TCERG1L: variants seen among roughly 807,000 people sequenced by gnomAD.
TCERG1L encodes transcription elongation regulator 1 like.
TCERG1L carries 37 observed loss-of-function variants against 56.3 expected under a neutral mutation model. The ratio of observed to expected loss-of-function variants is 0.66; its 90% confidence interval spans 0.51 to 0.87. The LOEUF (loss-of-function observed/expected upper bound fraction) is 0.87, where lower values mean the gene tolerates loss of function less well. Ranked by LOEUF, TCERG1L falls within the 40% of genes least tolerant of loss-of-function variation. The pLI is 0.00. For missense variants in TCERG1L, 799 were observed against 774.2 expected, an observed-to-expected ratio of 1.03 and a Z score of -0.38; for synonymous variants, 324 against 326.3, an observed-to-expected ratio of 0.99 and a Z score of 0.08.
At position 131,093,141 on chromosome 10, in the gene TCERG1L, T is replaced by A. The variant is rs368915020; in HGVS notation, c.*21A>T. The A allele has an allele frequency of 1.9e-6, 3 of 1,611,242 alleles. No individual in the cohort carries two copies. Among genetic ancestry groups the A allele is most frequent in the Non-Finnish European group, 2.5e-6 (3 of 1,178,528 alleles). ...GCACGCCCAGGGTCAACCCCCGGGC[T>A]TATTGCATTTTTTCACAAACTCATC... On this transcript the variant is annotated 3_prime_UTR_variant, in exon 12 of 12. Coordinates refer to ENST00000368642, the MANE Select transcript of TCERG1L (RefSeq NM_174937.4).
At position 131,195,380 on chromosome 10, in the gene TCERG1L, G is replaced by A. The variant is rs559033297; in HGVS notation, c.857-28495C>T. Reference sequence around the variant, plus strand: ...CTTGGTTTCCCCATCTGAGAGGCTCGGGGCCCTGCAAAACCAGAACACGAC... The same window carrying A: ...CTTGGTTTCCCCATCTGAGAGGCTCAGGGCCCTGCAAAACCAGAACACGAC... On this transcript the variant is annotated intron_variant, in intron 4 of 11. Coordinates refer to ENST00000368642, the MANE Select transcript of TCERG1L (RefSeq NM_174937.4). Among the ~76,000 whole-genome samples, 24 of 152,256 alleles carry A rather than the reference G, an allele frequency of 1.6e-4. No homozygotes were observed. In the South Asian group the frequency reaches 1.7e-3, roughly 11 times the overall value.
chr10:131,160,855 C>T (rs1348434999), intron 6 of TCERG1L: 1 of 152,164 alleles, frequency 6.6e-6, no homozygotes, highest in East Asian at 1.9e-4. Context: ...GGAAGAAAGC[C>T]GCAGCTTTCG....
intron 4 of TCERG1L, among the ~76,000 whole-genome samples, chr10:131,241,495 G>A (rs556409874): frequency 1.7e-4 from 26 of 151,972 alleles, no homozygotes; most frequent in South Asian, 4.2e-4. Context: ...AGGGGATAGC[G>A]CAATATAAAA....
At chr10:131,146,732 T>C in intron 6 of TCERG1L, 72 bp from the exon 7 acceptor site, 1 of 1,510,730 alleles carries the variant, frequency 6.6e-7, no homozygotes, top group Non-Finnish European at 8.9e-7. Flanking sequence ...GCATGAACTC[T>C]CACTGAAAAA....
chr10:131,191,864 C>CAAAAAAAAAAAAAAAAAAA (rs59816491), intron 4 of TCERG1L, among the ~76,000 whole-genome samples: 4 of 28,704 alleles, frequency 1.4e-4, no homozygotes, highest in East Asian at 9.7e-4. Flanking sequence ...GACTCCGTCT[C>CAAAAAAAAAAAAAAAAAAA]AAAAAAAAAA....
chr10:131,102,332 G>T (rs1845311888), intron 10 of TCERG1L, among the ~76,000 whole-genome samples: 1 of 152,190 alleles, frequency 6.6e-6, no homozygotes, highest in Admixed American at 6.5e-5. Flanking sequence ...AGAGGGTCCA[G>T]TTCCAATGAG....
chr10:131,146,235 C>G (rs1845792679), intron 7 of TCERG1L, among the ~76,000 whole-genome samples: 2 of 152,192 alleles, frequency 1.3e-5, no homozygotes, highest in Admixed American at 1.3e-4. Flanking sequence ...TGGATGGAAG[C>G]TTTGAGGGGC....
chr10:131,169,891 CT>C (rs1423672625), intron 4 of TCERG1L, among the ~76,000 whole-genome samples: 1 of 152,134 alleles, frequency 6.6e-6, no homozygotes, highest in Non-Finnish European at 1.5e-5. Context: ...TCCCCATTAC[CT>C]TGAGAAAACA....
intron 9 of TCERG1L, among the ~76,000 whole-genome samples, chr10:131,106,692 T>A (rs1845354490): frequency 6.6e-6 from 1 of 152,062 alleles, no homozygotes; most frequent in Admixed American, 6.5e-5. Context: ...CACCCTGGGA[T>A]CCGGGCAGAT....
chr10:131,211,178 C>G (rs1012195510), intron 4 of TCERG1L, among the ~76,000 whole-genome samples: 4 of 152,200 alleles, frequency 2.6e-5, no homozygotes, highest in Non-Finnish European at 5.9e-5. Context: ...TGGCTCGGCC[C>G]TCCCTGCTGG....
intron 4 of TCERG1L, among the ~76,000 whole-genome samples, chr10:131,212,941 A>G (rs766015773): frequency 6.6e-6 from 1 of 152,228 alleles, no homozygotes; most frequent in Non-Finnish European, 1.5e-5. Flanking sequence ...GTTCCCCACA[A>G]GTGCTCCTCC....
intron 9 of TCERG1L, among the ~76,000 whole-genome samples, chr10:131,107,684 G>A (rs989483564): frequency 7.9e-5 from 12 of 152,008 alleles, no homozygotes; most frequent in African/African-American, 2.4e-4. Flanking sequence ...AAACACTTAC[G>A]ATGCCCAGAG....
intron 4 of TCERG1L, among the ~76,000 whole-genome samples, chr10:131,208,005 C>T (rs1216321103): frequency 1.3e-5 from 2 of 152,152 alleles, no homozygotes; most frequent in Non-Finnish European, 2.9e-5. Context: ...CCACAATGAG[C>T]CAACCCACCC....
chr10:131,093,255 T>G lies in TCERG1L; in HGVS notation c.1668A>C (p.Lys556Asn), dbSNP rs914997437. Reference sequence around the variant, plus strand: ...TGAAAAAATGCTCCTGGTCCTTTCTTTTTTGAACAAGTCGGAACCTCTGAT... The same window carrying G: ...TGAAAAAATGCTCCTGGTCCTTTCTGTTTTGAACAAGTCGGAACCTCTGAT... ...GRDQRFRLVQ[K>N]RKDQEHFFNQ... Residue 556 changes from lysine (K) to asparagine (N), a missense_variant, in exon 12 of 12, where the codon AAA becomes AAC. By Grantham distance (94) the Lys-to-Asn change is moderately conservative. Coordinates refer to ENST00000368642, the MANE Select transcript of TCERG1L (RefSeq NM_174937.4). The G allele has an allele frequency of 6.2e-7, 1 of 1,614,010 alleles. No individual in the cohort carries two copies. The highest frequency in any genetic ancestry group is 8.5e-7 in the Non-Finnish European group (1 of 1,179,868).
intron 4 of TCERG1L, among the ~76,000 whole-genome samples, chr10:131,194,798 A>G (rs774803578): frequency 2.6e-5 from 4 of 152,170 alleles, no homozygotes; most frequent in Non-Finnish European, 4.4e-5. Flanking sequence ...TTGATTTGCA[A>G]TATCTTCTTC....
At chr10:131,203,772 G>C (rs1845482467) in intron 4 of TCERG1L, among the ~76,000 whole-genome samples, 1 of 152,186 alleles carries the variant, frequency 6.6e-6, no homozygotes, top group Non-Finnish European at 1.5e-5. Flanking sequence ...TAGCCCTGGG[G>C]GCAGCCTGGG....
chr10:131,156,194 G>C (rs1217923055), intron 6 of TCERG1L: 1 of 151,978 alleles, frequency 6.6e-6, no homozygotes, highest in African/African-American at 2.4e-5. Context: ...ATCATGTCTT[G>C]GGAAACTTTT....
chr10:131,108,222 T>G (rs1297866824), intron 9 of TCERG1L, among the ~76,000 whole-genome samples: 3 of 152,168 alleles, frequency 2.0e-5, no homozygotes, highest in Non-Finnish European at 4.4e-5. Context: ...CAGGCTTTGT[T>G]TGGGCCCCAC....
chr10:131,163,352 C>T (rs1397589591), intron 5 of TCERG1L, 142 bp from the exon 6 acceptor site: 7 of 639,448 alleles, frequency 1.1e-5, no homozygotes, highest in Admixed American at 1.1e-4. Flanking sequence ...AGCACGGCAG[C>T]GCCTGGCTGG....
Sources: gnomAD v4.1 joint callset for allele counts (sites outside exome capture counted in the v4.1 genomes callset) on GRCh38, gnomAD v4.1.1 for gene constraint, MANE v1.5 for transcripts, NCBI Gene and HGNC (gene_info 2026-07-23, HGNC 2026-07-21) for gene names.